Variants in RASGRP4 observed in about 807,000 individuals in gnomAD.
RASGRP4 encodes RAS guanyl releasing protein 4.
Under a neutral mutation model 84.4 loss-of-function variants are expected in RASGRP4, and 52 were observed. The observed-to-expected ratio is 0.62, with a 90% CI of 0.49 to 0.78. RASGRP4 has a LOEUF of 0.78. Ranked by LOEUF, RASGRP4 falls within the 30% of genes least tolerant of loss-of-function variation. The probability of loss-of-function intolerance (pLI) is 0.00; values close to 1 mark genes in which losing one functional copy is unlikely to be tolerated. For missense variants in RASGRP4, 760 were observed against 886.9 expected, an observed-to-expected ratio of 0.86 and a Z score of 1.82; for synonymous variants, 356 against 359.1, an observed-to-expected ratio of 0.99 and a Z score of 0.10.
chr19:38,422,322 T>C (rs1159194749), intron 1 of RASGRP4, among the ~76,000 whole-genome samples, 169 bp from the exon 2 acceptor site: 2 of 152,154 alleles, frequency 1.3e-5, no homozygotes. Flanking sequence ...CCAGGAATAT[T>C]CCAGATCCCT....
intron 8 of RASGRP4, among the ~76,000 whole-genome samples, chr19:38,416,078 G>T (rs1971488204): frequency 6.6e-6 from 1 of 150,388 alleles, no homozygotes; most frequent in Non-Finnish European, 1.5e-5. Context: ...CAATGAAAAG[G>T]CTGAGGGGGA....
rs1450427613 is a variant in RASGRP4 at position 38,413,348 on chromosome 19, G to C, written c.1311+46C>G. 4 of 1,602,200 alleles carry C rather than the reference G, an allele frequency of 2.5e-6. No homozygotes were observed. The highest frequency in any genetic ancestry group is 3.4e-6 in the Non-Finnish European group (4 of 1,170,712). ...TTAGTCACTGCATAGGCTTAGGGGG[G>C]GTTCGAGGTAATTGGGGGAGTCCGA... On this transcript the variant is annotated intron_variant, in intron 10 of 16. Coordinates refer to ENST00000615439, the MANE Select transcript of RASGRP4 (RefSeq NM_170604.3). The surrounding 1 kb of genome is among the most constrained non-coding windows in gnomAD (Gnocchi z 4.7).
In RASGRP4 at chr19:38,415,134, G is replaced by A. The variant is rs759616337; in HGVS notation, c.955-11C>T. ...GAGCTCCAGGAGGGCCTGGGGAGGA[G>A]GGACATGGGATTGGGGCGTTATCAG... On this transcript the variant is annotated splice_polypyrimidine_tract_variant and intron_variant, in intron 8 of 16. Coordinates refer to ENST00000615439, the MANE Select transcript of RASGRP4 (RefSeq NM_170604.3). The A allele has an allele frequency of 1.1e-5, 18 of 1,579,812 alleles. No individual in the cohort carries two copies. In the South Asian group the frequency reaches 1.3e-4, roughly 11 times the overall value.
chr19:38,419,574 C>T (rs951357468), intron 6 of RASGRP4, among the ~76,000 whole-genome samples: 1 of 152,210 alleles, frequency 6.6e-6, no homozygotes, highest in Non-Finnish European at 1.5e-5. Context: ...GCTGGGATTA[C>T]AGGCATGCAC....
At chr19:38,424,129 CT>C (rs1462626284) in intron 1 of RASGRP4, among the ~76,000 whole-genome samples, 1 of 151,758 alleles carries the variant, frequency 6.6e-6, no homozygotes, top group Admixed American at 6.6e-5. Flanking sequence ...TTCTTTCTTT[CT>C]TTTTTTGGAG....
Position 38,409,982 on chromosome 19 carries a change from G to T in RASGRP4, c.*58C>A. 2 of 1,436,192 alleles carry T rather than the reference G, an allele frequency of 1.4e-6. No individual in the cohort carries two copies. The highest frequency in any genetic ancestry group is 1.9e-6 in the Non-Finnish European group (2 of 1,044,276). The allele number at this position is 1,436,192 out of a possible 1,614,324, so 89.0% of individuals were successfully genotyped here. On this transcript the variant is annotated 3_prime_UTR_variant, in exon 17 of 17. Transcript: ENST00000615439. The stretch of plus-strand genomic sequence containing the variant: ...CTGGGAGCCCTGCCAGAGTCTGACG[G>T]CAGGACTCAGGACTGACTGGGGGAA...
At chr19:38,421,591 A>G (rs1659387955) in intron 2 of RASGRP4, among the ~76,000 whole-genome samples, 1 of 151,938 alleles carries the variant, frequency 6.6e-6, no homozygotes, top group Admixed American at 6.6e-5. Flanking sequence ...ATGTGCCTGT[A>G]ATCCTAGCTA....
At chr19:38,411,407 A>T in intron 13 of RASGRP4, 26 bp from the exon 14 acceptor site, 1 of 1,526,648 alleles carries the variant, frequency 6.6e-7, no homozygotes, top group South Asian at 1.2e-5. Flanking sequence ...AGAAAAGGTT[A>T]CCCATCCTAG....
chr19:38,411,105 T>C lies in RASGRP4; in HGVS notation c.1852+10A>G. 1 of 1,613,180 alleles carries C rather than the reference T, an allele frequency of 6.2e-7. No homozygotes were observed. Among genetic ancestry groups the C allele is most frequent in the East Asian group, 2.2e-5 (1 of 44,870 alleles). On this transcript the variant is annotated intron_variant, in intron 15 of 16. Coordinates refer to ENST00000615439, the MANE Select transcript of RASGRP4 (RefSeq NM_170604.3). Reference sequence around the variant, plus strand: ...GCCCCTTCCCAGCACCGGTGTGCTCTAGGTCTTACCACAGCTGGCATGGGG... The same window carrying C: ...GCCCCTTCCCAGCACCGGTGTGCTCCAGGTCTTACCACAGCTGGCATGGGG...
intron 1 of RASGRP4, among the ~76,000 whole-genome samples, 195 bp downstream of exon 1, chr19:38,425,874 C>T (rs1388183150): frequency 6.6e-6 from 1 of 152,134 alleles, no homozygotes; most frequent in Non-Finnish European, 1.5e-5. Flanking sequence ...CCAGGGACAA[C>T]ACGGTACAGA....
intron 5 of RASGRP4, 23 bp downstream of exon 5, chr19:38,420,108 A>C: frequency 6.2e-7 from 1 of 1,610,142 alleles, no homozygotes. Context: ...GGCAGGGAAG[A>C]GGGGAGCACA....
intron 8 of RASGRP4, among the ~76,000 whole-genome samples, chr19:38,415,636 G>T (rs1235458642): frequency 6.6e-6 from 1 of 151,824 alleles, no homozygotes; most frequent in East Asian, 2.0e-4. Context: ...GCCTCCCAAA[G>T]TGTTGGGATT....
chr19:38,411,484 A>T, intron 13 of RASGRP4, 103 bp from the exon 14 acceptor site: 1 of 1,135,388 alleles, frequency 8.8e-7, no homozygotes, highest in Non-Finnish European at 1.2e-6. Flanking sequence ...CCAGGTTTTG[A>T]AATTCTCAAG....
At position 38,418,121 on chromosome 19, in the gene RASGRP4, C is replaced by T. The variant is rs370559270; in HGVS notation, c.837+270G>A. On this transcript the variant is annotated intron_variant, in intron 7 of 16. Coordinates refer to ENST00000615439, the MANE Select transcript of RASGRP4 (RefSeq NM_170604.3). This position sits in a 1 kb window ranked among gnomAD's most constrained non-coding sequence, Gnocchi z 4.6. The stretch of plus-strand genomic sequence containing the variant: ...GGCATGGAAGAGACACTCTCATTGA[C>T]CTGGGGATAGAATATTCGGGCATAG... 3.9e-5 allele frequency among the ~76,000 whole-genome samples: 6 copies of T among 152,096 alleles called. No individual in the cohort carries two copies. Among genetic ancestry groups the T allele is most frequent in the African/African-American group, 1.2e-4 (5 of 41,408 alleles).
At chr19:38,419,754 C>T in intron 6 of RASGRP4, 106 bp downstream of exon 6, 2 of 1,134,646 alleles carry the variant, frequency 1.8e-6, no homozygotes, top group South Asian at 1.5e-5. Flanking sequence ...GAGATCTCTG[C>T]CGAATGACCA....
Position 38,411,404 on chromosome 19 carries a change from G to T in RASGRP4, c.1681-23C>A, listed in dbSNP as rs766642121. ...GAGCTGGGAAGAGAAAGGAGAAAAG[G>T]TTACCCATCCTAGGAGAGGGAGGGC... is the stretch of plus-strand genomic sequence containing the variant. On this transcript the variant is annotated intron_variant, in intron 13 of 16. Transcript: ENST00000615439. The T allele has an allele frequency of 3.9e-6, 6 of 1,532,542 alleles. 1 individual carries two copies. Among genetic ancestry groups the T allele is most frequent in the Admixed American group, 3.9e-5 (2 of 50,678 alleles). 94.9% of individuals were successfully genotyped at this position (1,532,542 alleles called of 1,614,324 possible).
Position 38,422,037 on chromosome 19 carries a change from T to C in RASGRP4, c.140A>G (p.Asn47Ser). ...REISKVMASM[N>S]LGLLSEGGCS... ...GCCGCCCTCACTCAGCAGGCCCAGGTTCATGGAAGCCATGACCTTGCTGAT... is the reference window on the plus strand; with the variant it reads ...GCCGCCCTCACTCAGCAGGCCCAGGCTCATGGAAGCCATGACCTTGCTGAT... The change falls in exon 2 of 17, where the codon AAC (asparagine) becomes AGC (serine). Residue 47 changes from asparagine to serine, a missense_variant. By Grantham distance (46) the Asn-to-Ser change is conservative. Coordinates refer to ENST00000615439, the MANE Select transcript of RASGRP4 (RefSeq NM_170604.3). The C allele has an allele frequency of 2.5e-6, 4 of 1,613,676 alleles. No individual in the cohort carries two copies. The highest frequency in any genetic ancestry group is 3.4e-6 in the Non-Finnish European group (4 of 1,179,768).
intron 1 of RASGRP4, among the ~76,000 whole-genome samples, chr19:38,423,398 C>T (rs377546500): frequency 2.6e-5 from 4 of 151,828 alleles, no homozygotes; most frequent in East Asian, 3.9e-4. Context: ...TGATGGCGGG[C>T]GCCTGTAATC....
Position 38,412,419 on chromosome 19 carries a change from G to T in RASGRP4, c.1680+253C>A. On this transcript the variant is annotated intron_variant, in intron 13 of 16. Transcript: ENST00000615439. This position sits in a 1 kb window ranked among gnomAD's most constrained non-coding sequence, Gnocchi z 4.6. ...TTACAGGCGTGAGCCACCACTCCTGGCCTCCTATCTAGAGTTTTAGGTATT... is the reference window on the plus strand; with the variant it reads ...TTACAGGCGTGAGCCACCACTCCTGTCCTCCTATCTAGAGTTTTAGGTATT... 2.1e-6 allele frequency: 1 copy of T among 477,082 alleles called. No individual in the cohort carries two copies. Among genetic ancestry groups the T allele is most frequent in the Non-Finnish European group, 3.7e-6 (1 of 267,120 alleles). The allele number at this position is 477,082 out of a possible 1,614,324, so 29.6% of individuals were successfully genotyped here.
Sources: allele counts gnomAD v4.1 joint callset (sites outside exome capture counted in the v4.1 genomes callset), GRCh38; gene constraint gnomAD v4.1.1; non-coding constraint Gnocchi (gnomAD v3.1); transcripts MANE v1.5; gene names NCBI Gene and HGNC (gene_info 2026-07-23, HGNC 2026-07-21).